DLG5: variants seen among roughly 807,000 people sequenced by gnomAD.
DLG5 encodes the protein disks large homolog 5.
Under a neutral mutation model 189.8 loss-of-function variants are expected in DLG5, and 48 were observed. The ratio of observed to expected loss-of-function variants is 0.25; its 90% confidence interval spans 0.20 to 0.32. The LOEUF (loss-of-function observed/expected upper bound fraction) is 0.32. Among genes scored for constraint, DLG5 ranks in the 10% least tolerant of loss-of-function variants. The probability of loss-of-function intolerance (pLI) is 1.00; values close to 1 mark genes in which losing one functional copy is unlikely to be tolerated. For synonymous variants in DLG5, 1,016 were observed against 1,054.1 expected (o/e 0.96, Z 0.70); for missense variants, 2,160 against 2,544.7 (o/e 0.85, Z 3.25).
At chr10:77,808,461 A>G (rs1488378610) in intron 24 of DLG5, among the ~76,000 whole-genome samples, 1 of 152,166 alleles carries the variant, frequency 6.6e-6, no homozygotes, top group East Asian at 1.9e-4. Context: ...CTGTAAAGAC[A>G]GGGTCTCACT....
intron 1 of DLG5, among the ~76,000 whole-genome samples, chr10:77,885,911 G>A (rs1845422820): frequency 6.6e-6 from 1 of 152,180 alleles, no homozygotes; most frequent in Non-Finnish European, 1.5e-5. Context: ...GATGAGAGGA[G>A]GAAGGGGATG....
chr10:77,848,364 G>T (rs1172971225), intron 5 of DLG5, among the ~76,000 whole-genome samples: 1 of 152,124 alleles, frequency 6.6e-6, no homozygotes, highest in Non-Finnish European at 1.5e-5. Flanking sequence ...AATTACAAGA[G>T]AAAGTATATT....
intron 20 of DLG5, among the ~76,000 whole-genome samples, chr10:77,814,094 C>T (rs545541606): frequency 5.0e-4 from 76 of 152,080 alleles, no homozygotes; most frequent in African/African-American, 1.8e-3. Flanking sequence ...TCTCCTGCCT[C>T]AGCCTCTCAA....
intron 13 of DLG5, among the ~76,000 whole-genome samples, chr10:77,826,732 G>A (rs1842656040): frequency 6.6e-6 from 1 of 152,232 alleles, no homozygotes; most frequent in Admixed American, 6.5e-5. Flanking sequence ...TGGATCACCT[G>A]ACGTCAGGAG....
chr10:77,817,801 A>T lies in DLG5; in HGVS notation c.3760T>A (p.Ser1254Thr). The change falls in exon 18 of 32, where the codon TCA becomes ACA. Residue 1254 changes from serine to threonine, a missense_variant. Around this residue, in one of 5 missense-constraint regions of DLG5, gnomAD observed 754 missense variants for 746.5 expected, o/e 1.01. Coordinates refer to ENST00000372391, the MANE Select transcript of DLG5 (RefSeq NM_004747.4). ...CCCAGGCGGGCGCTGGAGGGCAGTG[A>T]GTTGGACCCATGGGTGGCTCTCATC... ...SEMRATHGSN[S>T]LPSSARLGSS... 1 of 1,555,040 alleles carries T rather than the reference A, an allele frequency of 6.4e-7. No homozygotes were observed. The highest frequency in any genetic ancestry group is 2.4e-5 in the East Asian group (1 of 41,280).
intron 19 of DLG5, 98 bp downstream of exon 19, chr10:77,816,907 TGA>T: frequency 6.9e-7 from 1 of 1,450,928 alleles, no homozygotes; most frequent in Non-Finnish European, 9.6e-7. Flanking sequence ...ACTGACTGAC[TGA>T]GATGACTATG....
rs367701431 is a variant in DLG5 at position 77,806,832 on chromosome 10, G to A, written c.4893C>T (p.Phe1631=). 2.9e-5 allele frequency: 46 copies of A among 1,611,128 alleles called. No individual in the cohort carries two copies. In the East Asian group the frequency reaches 3.4e-4, roughly 12 times the overall value. ...YVDDTLPQGT[F]GSWMAWQLDE... The stretch of plus-strand genomic sequence containing the variant: ...CCAGCTGCCAAGCCATCCAGGACCC[G>A]AACGTGCCCTGGGGTAAGGTGTCAT... The change falls in exon 26 of 32, where the codon TTC becomes TTT. Residue 1631 remains phenylalanine (F), a synonymous_variant. Transcript: ENST00000372391.
chr10:77,824,313 G>C, intron 14 of DLG5, 71 bp downstream of exon 14: 1 of 1,173,324 alleles, frequency 8.5e-7, no homozygotes, highest in Non-Finnish European at 1.2e-6. Context: ...CCAAGGAGTA[G>C]CATGGCTATG....
At chr10:77,812,951 C>T (rs941937948) in intron 20 of DLG5, among the ~76,000 whole-genome samples, 6 of 152,232 alleles carry the variant, frequency 3.9e-5, no homozygotes, top group South Asian at 2.1e-4. Flanking sequence ...CCAAGGGCGC[C>T]GGGGCAGGGG....
At chr10:77,844,373 T>C (rs1249087641) in intron 5 of DLG5, among the ~76,000 whole-genome samples, 1 of 152,252 alleles carries the variant, frequency 6.6e-6, no homozygotes, top group Non-Finnish European at 1.5e-5. Context: ...CCTTTCCCCC[T>C]TTGCCGACTT....
intron 1 of DLG5, among the ~76,000 whole-genome samples, chr10:77,877,685 G>A (rs1476257591): frequency 2.0e-5 from 3 of 152,186 alleles, no homozygotes; most frequent in South Asian, 4.1e-4. Context: ...TGTCACTTCT[G>A]GCCAGACTAA....
the DLG5 span, among the ~76,000 whole-genome samples, chr10:77,934,780 A>G: frequency 6.6e-6 from 1 of 152,042 alleles, no homozygotes; most frequent in Non-Finnish European, 1.5e-5. Flanking sequence ...GAGCAGAGAA[A>G]CCTGCCAAGC....
Position 77,805,716 on chromosome 10 carries a change from C to G in DLG5, c.5113G>C (p.Asp1705His). The G allele has an allele frequency of 6.2e-7, 1 of 1,614,146 alleles. No individual in the cohort carries two copies. The highest frequency in any genetic ancestry group is 8.5e-7 in the Non-Finnish European group (1 of 1,179,998). ...HKRSGSKDGK[D>H]LLALDAFSSD... is the part of the protein sequence containing the mutation. Reference sequence around the variant, plus strand: ...GAAAAGGCATCCAAGGCGAGCAGGTCTTTCCCGTCCTTGGACCCGCTGCGT... The same window carrying G: ...GAAAAGGCATCCAAGGCGAGCAGGTGTTTCCCGTCCTTGGACCCGCTGCGT... Residue 1705 changes from aspartate to histidine, a missense_variant, in exon 27 of 32, where the codon GAC becomes CAC. Physicochemically the swap from Asp to His is moderately conservative, Grantham distance 81 (BLOSUM62 -1). Transcript: ENST00000372391.
intron 31 of DLG5, chr10:77,792,842 C>A (rs532830583): frequency 2.5e-6 from 1 of 406,126 alleles, no homozygotes; most frequent in Admixed American, 3.9e-5. Context: ...GGACATGTGG[C>A]GGTGGTCTAA....
chr10:77,869,071 T>A, intron 2 of DLG5, 58 bp downstream of exon 2: 1 of 1,486,664 alleles, frequency 6.7e-7, no homozygotes, highest in Non-Finnish European at 9.4e-7. Flanking sequence ...CCCAGCTGCC[T>A]TGGCTTTCAC....
chr10:77,821,632 A>G lies in DLG5; in HGVS notation c.2852T>C (p.Met951Thr), dbSNP rs752939677. 4 of 1,612,848 alleles carry G rather than the reference A, an allele frequency of 2.5e-6. No individual in the cohort carries two copies. Among genetic ancestry groups the G allele is most frequent in the East Asian group, 4.5e-5 (2 of 44,882 alleles). The change falls in exon 15 of 32, where the codon ATG becomes ACG. Residue 951 changes from methionine (M) to threonine (T), a missense_variant. Coordinates refer to ENST00000372391, the MANE Select transcript of DLG5 (RefSeq NM_004747.4). ...SNSGGTWPKA[M>T]LSSTAVPEKL... ...CTCAGGCACTGCCGTGGAGCTGAGCATGGCCTTGGGCCAGGTCCCGCCGCT... is the reference window on the plus strand; with the variant it reads ...CTCAGGCACTGCCGTGGAGCTGAGCGTGGCCTTGGGCCAGGTCCCGCCGCT...
intron 13 of DLG5, among the ~76,000 whole-genome samples, chr10:77,825,473 G>A (rs1356218728): frequency 3.3e-5 from 5 of 151,698 alleles, no homozygotes; most frequent in Non-Finnish European, 5.9e-5. Context: ...GCAACCATGA[G>A]GGGAAGCAGG....
chr10:77,900,097 C>T (rs1205767747), intron 1 of DLG5, among the ~76,000 whole-genome samples: 2 of 152,046 alleles, frequency 1.3e-5, no homozygotes, highest in Non-Finnish European at 2.9e-5. Flanking sequence ...TTAATAACTC[C>T]CTCTAAAATT....
At chr10:77,877,735 G>C (rs1296483022) in intron 1 of DLG5, among the ~76,000 whole-genome samples, 3 of 152,228 alleles carry the variant, frequency 2.0e-5, no homozygotes, top group African/African-American at 7.2e-5. Flanking sequence ...GAGGCCCAAA[G>C]AGGGTCTGAT....
Sources: allele counts gnomAD v4.1 joint callset (sites outside exome capture counted in the v4.1 genomes callset), GRCh38; gene constraint gnomAD v4.1.1; regional missense constraint gnomAD v4.1.1; transcripts MANE v1.5; gene names NCBI Gene and HGNC (gene_info 2026-07-23, HGNC 2026-07-21).